Variants in RAB38 observed in about 807,000 individuals in gnomAD.
The protein encoded by RAB38 is ras-related protein Rab-38.
A neutral mutation model predicts 18.4 loss-of-function variants in RAB38; 15 were observed. The observed-to-expected ratio is 0.82, with a 90% confidence interval of 0.55 to 1.26. The LOEUF is 1.26. RAB38 is among the 50% of genes most tolerant of loss of function. RAB38 has a pLI of 0.00. For synonymous variants in RAB38, 101 were observed against 104.4 expected (o/e 0.97, Z 0.20); for missense variants, 294 against 267.4 (o/e 1.10, Z -0.69).
chr11:87,926,590 G>A, the RAB38 span, among the ~76,000 whole-genome samples: 2 of 151,968 alleles, frequency 1.3e-5, no homozygotes, highest in African/African-American at 4.8e-5. Flanking sequence ...ATATATGGAA[G>A]CTTGAGTCCC....
chr11:87,869,902 T>TA, the RAB38 span, among the ~76,000 whole-genome samples: 10 of 151,794 alleles, frequency 6.6e-5, no homozygotes, highest in African/African-American at 9.6e-5. Context: ...AGCTAACACT[T>TA]ACAAAAGTTC....
intron 2 of RAB38, among the ~76,000 whole-genome samples, chr11:88,134,716 T>C (rs911899540): frequency 4.6e-5 from 7 of 152,202 alleles, no homozygotes; most frequent in African/African-American, 1.4e-4. Context: ...AATATTGCAA[T>C]AGCATCCCAG....
At chr11:87,888,122 A>T in the RAB38 span, among the ~76,000 whole-genome samples, 1 of 151,916 alleles carries the variant, frequency 6.6e-6, no homozygotes, top group Non-Finnish European at 1.5e-5. Flanking sequence ...CTACTAGGAC[A>T]CATAATCCTC....
At chr11:87,967,510 TCTG>T in the RAB38 span, among the ~76,000 whole-genome samples, 1 of 152,156 alleles carries the variant, frequency 6.6e-6, no homozygotes, top group East Asian at 1.9e-4. Flanking sequence ...AGATGGTGGA[TCTG>T]CTTACATGAA....
At chr11:87,977,559 T>C in the RAB38 span, among the ~76,000 whole-genome samples, 5 of 118,710 alleles carry the variant, frequency 4.2e-5, no homozygotes, top group African/African-American at 1.7e-4. Context: ...AATATAATTA[T>C]ATAATATACT....
intron 1 of RAB38, among the ~76,000 whole-genome samples, chr11:88,156,895 G>A (rs1413436949): frequency 6.6e-6 from 1 of 152,074 alleles, no homozygotes; most frequent in African/African-American, 2.4e-5. Context: ...ACTTAAGTAC[G>A]TAGCCCACAG....
In RAB38 at chr11:88,157,078, G is replaced by A. The variant is rs371213935; in HGVS notation, c.203-7123C>T. On this transcript the variant is annotated intron_variant, in intron 1 of 2. Transcript: ENST00000243662. ...TCAGAAACAAAAACAAAACCCATCC[G>A]TATGCTATCTTCAAGAAATCCATCT... Among the ~76,000 whole-genome samples, 164 of 152,254 alleles carry A rather than the reference G, an allele frequency of 1.1e-3. 1 individual carries two copies. Among genetic ancestry groups the A allele is most frequent in the Admixed American group, 3.5e-3 (53 of 15,298 alleles).
the RAB38 span, among the ~76,000 whole-genome samples, chr11:87,938,574 T>G: frequency 6.6e-6 from 1 of 151,098 alleles, no homozygotes; most frequent in Non-Finnish European, 1.5e-5. Context: ...GGGTTATTGT[T>G]TGAAAGGTTT....
chr11:88,165,729 A>T (rs1188401139), intron 1 of RAB38: 4 of 152,102 alleles, frequency 2.6e-5, no homozygotes, highest in African/African-American at 9.7e-5. Context: ...TAAATTATCT[A>T]CCTCTTGCTT....
intron 1 of RAB38, among the ~76,000 whole-genome samples, chr11:88,152,692 C>G (rs570782026): frequency 6.6e-6 from 1 of 152,122 alleles, no homozygotes; most frequent in Non-Finnish European, 1.5e-5. Flanking sequence ...CCATGTGACT[C>G]AGAGTGAGTG....
At chr11:87,968,624 A>G in the RAB38 span, among the ~76,000 whole-genome samples, 1 of 152,330 alleles carries the variant, frequency 6.6e-6, no homozygotes, top group Non-Finnish European at 1.5e-5. Context: ...CTTGCACGAC[A>G]GTGGAGTTCA....
At chr11:87,822,245 T>C in the RAB38 span, among the ~76,000 whole-genome samples, 1 of 152,186 alleles carries the variant, frequency 6.6e-6, no homozygotes, top group Non-Finnish European at 1.5e-5. Flanking sequence ...TGTTATTCTC[T>C]ATAATTTAAC....
chr11:87,876,705 G>A, the RAB38 span, among the ~76,000 whole-genome samples: 1 of 151,392 alleles, frequency 6.6e-6, no homozygotes, highest in Non-Finnish European at 1.5e-5. Context: ...TTTCTTAGAA[G>A]TCACTCTGGA....
At chr11:88,088,900 T>C in the RAB38 span, among the ~76,000 whole-genome samples, 1 of 151,128 alleles carries the variant, frequency 6.6e-6, no homozygotes, top group African/African-American at 2.4e-5. Context: ...TGCTTTAGCA[T>C]CAGGCTACAA....
At chr11:88,049,669 C>G in the RAB38 span, among the ~76,000 whole-genome samples, 2 of 152,118 alleles carry the variant, frequency 1.3e-5, no homozygotes, top group African/African-American at 2.4e-5. Flanking sequence ...GGGGACCTCC[C>G]TTGGGAGATC....
the RAB38 span, among the ~76,000 whole-genome samples, chr11:88,099,271 G>C: frequency 6.6e-6 from 1 of 151,704 alleles, no homozygotes. Flanking sequence ...ATGAACTCTT[G>C]GGATTTAAAT....
the RAB38 span, among the ~76,000 whole-genome samples, chr11:88,098,937 T>A: frequency 6.6e-6 from 1 of 151,090 alleles, no homozygotes; most frequent in Non-Finnish European, 1.5e-5. Context: ...TATTTTTTTG[T>A]TTTCTTTTTG....
At chr11:88,109,408 C>T (rs183885203), downstream of RAB38, among the ~76,000 whole-genome samples, 1 of 152,100 alleles carries the variant, frequency 6.6e-6, no homozygotes, top group Admixed American at 6.6e-5. Context: ...GACCTAAAAC[C>T]ATAAAAACCC....
chr11:87,889,566 G>T, the RAB38 span, among the ~76,000 whole-genome samples: 1 of 151,708 alleles, frequency 6.6e-6, no homozygotes, highest in Non-Finnish European at 1.5e-5. Context: ...TATATGTGAG[G>T]TTGTTTACGT....
Sources: allele counts gnomAD v4.1 joint callset (sites outside exome capture counted in the v4.1 genomes callset), GRCh38; gene constraint gnomAD v4.1.1; transcripts MANE v1.5; gene names NCBI Gene and HGNC (gene_info 2026-07-23, HGNC 2026-07-21).